Variants in ICA1 observed in about 807,000 individuals in gnomAD.
The protein encoded by ICA1 is 69 kDa islet cell autoantigen.
Under a neutral mutation model 71.0 loss-of-function variants are expected in ICA1, and 40 were observed. The ratio of observed to expected loss-of-function variants is 0.56; its 90% CI spans 0.44 to 0.73. ICA1 has a LOEUF of 0.73. ICA1 is among the 30% of genes least tolerant of loss of function. The pLI is 0.00. For missense variants in ICA1, 578 were observed against 576.5 expected, an observed-to-expected ratio of 1.00 and a Z score of -0.03; for synonymous variants, 207 against 209.5, an observed-to-expected ratio of 0.99 and a Z score of 0.10.
At position 8,234,923 on chromosome 7, in the gene ICA1, T is replaced by C. The variant is rs886732863; in HGVS notation, c.17+987A>G. On this transcript the variant is annotated intron_variant, in intron 2 of 13. Transcript: ENST00000402384. The surrounding 1 kb of genome is among the most constrained non-coding windows in gnomAD (Gnocchi z 4.5). ...GCTCATGCCTGTAATCCCAGCACTT[T>C]GGGAGGCTGAGGTGGGCAGATCATG... 2.0e-5 allele frequency among the ~76,000 whole-genome samples: 3 copies of C among 152,014 alleles called. No homozygotes were observed. Among genetic ancestry groups the C allele is most frequent in the African/African-American group, 7.2e-5 (3 of 41,392 alleles).
chr7:8,135,035 ATT>A (rs34913176), intron 12 of ICA1, among the ~76,000 whole-genome samples: 5 of 151,342 alleles, frequency 3.3e-5, no homozygotes, highest in Admixed American at 6.6e-5. Flanking sequence ...AATTTTTTTT[ATT>A]TTTTTTTGAG....
intron 12 of ICA1, among the ~76,000 whole-genome samples, chr7:8,131,042 T>C (rs1342990890): frequency 6.6e-6 from 1 of 152,138 alleles, no homozygotes; most frequent in Non-Finnish European, 1.5e-5. Context: ...GGCATGGTGA[T>C]TGGCTCAGGG....
chr7:8,225,667 C>A (rs142734073), intron 4 of ICA1, among the ~76,000 whole-genome samples: 95 of 152,298 alleles, frequency 6.2e-4, no homozygotes, highest in African/African-American at 2.0e-3. Flanking sequence ...TGCATACACC[C>A]TCATCTGCAT....
At chr7:8,179,963 A>G (rs572712922) in intron 6 of ICA1, among the ~76,000 whole-genome samples, 2 of 152,206 alleles carry the variant, frequency 1.3e-5, no homozygotes, top group South Asian at 2.1e-4. Flanking sequence ...TGTAAGCTCT[A>G]CGACTCTATT....
chr7:8,182,666 A>G (rs1782573805), intron 6 of ICA1, among the ~76,000 whole-genome samples: 1 of 152,206 alleles, frequency 6.6e-6, no homozygotes, highest in Non-Finnish European at 1.5e-5. Flanking sequence ...GTTATTAAAG[A>G]AGGTCATCCT....
chr7:8,114,520 T>C (rs1363986268), intron 13 of ICA1, among the ~76,000 whole-genome samples: 2 of 152,216 alleles, frequency 1.3e-5, no homozygotes, highest in African/African-American at 4.8e-5. Context: ...CAAAAGTGTT[T>C]GGCGCCCAGG....
At chr7:8,143,182 T>C (rs1210258255) in intron 9 of ICA1, among the ~76,000 whole-genome samples, 1 of 152,216 alleles carries the variant, frequency 6.6e-6, no homozygotes, top group Non-Finnish European at 1.5e-5. Context: ...TAGAAAATGA[T>C]ACAGATCCAC....
intron 10 of ICA1, among the ~76,000 whole-genome samples, chr7:8,140,705 G>A (rs1267946162): frequency 6.6e-6 from 1 of 152,230 alleles, no homozygotes; most frequent in Non-Finnish European, 1.5e-5. Context: ...AAGTGCATGA[G>A]TACTTGTACG....
At chr7:8,163,798 G>A (rs553106611) in intron 6 of ICA1, among the ~76,000 whole-genome samples, 3 of 152,318 alleles carry the variant, frequency 2.0e-5, no homozygotes, top group South Asian at 2.1e-4. Flanking sequence ...TGCTCAGAAC[G>A]AGCAGGAGGG....
chr7:8,180,535 C>CT (rs1470500055), intron 6 of ICA1, among the ~76,000 whole-genome samples: 1 of 152,074 alleles, frequency 6.6e-6, no homozygotes, highest in Non-Finnish European at 1.5e-5. Context: ...GAGTATATGC[C>CT]TTAAAGTATA....
At chr7:8,257,881 G>C (rs1360652554) in intron 1 of ICA1, among the ~76,000 whole-genome samples, 1 of 152,134 alleles carries the variant, frequency 6.6e-6, no homozygotes, top group African/African-American at 2.4e-5. Flanking sequence ...CATAGACACT[G>C]GGCTCCAGAC....
chr7:8,138,901 A>G lies in ICA1; in HGVS notation c.1019-20T>C. Reference sequence around the variant, plus strand: ...TGGGTCCTTTAGAGAAGAGGAAAGAAAACAAAATTATAAGTCAGTTTCATT... The same window carrying G: ...TGGGTCCTTTAGAGAAGAGGAAAGAGAACAAAATTATAAGTCAGTTTCATT... On this transcript the variant is annotated intron_variant, in intron 11 of 13. Coordinates refer to ENST00000402384, the MANE Select transcript of ICA1 (RefSeq NM_001136020.3). The G allele has an allele frequency of 6.2e-7, 1 of 1,603,930 alleles. No homozygotes were observed. The highest frequency in any genetic ancestry group is 8.5e-7 in the Non-Finnish European group (1 of 1,171,350).
intron 8 of ICA1, among the ~76,000 whole-genome samples, chr7:8,156,364 C>T (rs1251856832): frequency 3.9e-5 from 6 of 152,178 alleles, no homozygotes; most frequent in Admixed American, 2.0e-4. Flanking sequence ...CTAGTTCATG[C>T]CTCGTTTTCT....
intron 6 of ICA1, among the ~76,000 whole-genome samples, chr7:8,217,885 T>C (rs1374960491): frequency 1.3e-5 from 2 of 152,220 alleles, no homozygotes; most frequent in Admixed American, 1.3e-4. Flanking sequence ...TCTGAACATA[T>C]CGCAAAACAA....
chr7:8,153,193 C>A (rs1800221832), intron 8 of ICA1, among the ~76,000 whole-genome samples: 1 of 152,154 alleles, frequency 6.6e-6, no homozygotes, highest in Non-Finnish European at 1.5e-5. Flanking sequence ...TATCACAAAA[C>A]CAGAGGAAAT....
chr7:8,190,726 G>C (rs1332388940), intron 6 of ICA1, among the ~76,000 whole-genome samples: 1 of 152,196 alleles, frequency 6.6e-6, no homozygotes, highest in Non-Finnish European at 1.5e-5. Flanking sequence ...GCCACCATAA[G>C]TTTGTCATTA....
chr7:8,250,431 C>T (rs1267963345), intron 1 of ICA1, among the ~76,000 whole-genome samples: 1 of 152,116 alleles, frequency 6.6e-6, no homozygotes. Context: ...ATTAGCCTTC[C>T]ATCTTTTCAA....
At chr7:8,171,770 T>G (rs554754023) in intron 6 of ICA1, among the ~76,000 whole-genome samples, 202 of 152,096 alleles carry the variant, frequency 1.3e-3, no homozygotes, top group African/African-American at 4.6e-3. Flanking sequence ...TAAACATTGC[T>G]TTAGCTGTAT....
At chr7:8,239,626 G>T (rs574440737) in intron 1 of ICA1, among the ~76,000 whole-genome samples, 44 of 152,272 alleles carry the variant, frequency 2.9e-4, no homozygotes, top group Admixed American at 1.1e-3. Context: ...AGGGGTCGGG[G>T]GATTTCCCTT....
Sources: allele counts gnomAD v4.1 joint callset (sites outside exome capture counted in the v4.1 genomes callset), GRCh38; gene constraint gnomAD v4.1.1; non-coding constraint Gnocchi (gnomAD v3.1); transcripts MANE v1.5; gene names NCBI Gene and HGNC (gene_info 2026-07-23, HGNC 2026-07-21).